KCNH7: variants seen among roughly 807,000 people sequenced by gnomAD.
KCNH7 encodes potassium voltage-gated channel subfamily H member 7.
A neutral mutation model predicts 120.8 loss-of-function variants in KCNH7; 49 were observed. The ratio of observed to expected loss-of-function variants is 0.41; its 90% CI spans 0.32 to 0.51. KCNH7 has a LOEUF of 0.51. Ranked by LOEUF, KCNH7 falls within the 20% of genes least tolerant of loss-of-function variation. The probability of loss-of-function intolerance (pLI) is 0.38; values close to 1 mark genes in which losing one functional copy is unlikely to be tolerated. For missense variants in KCNH7, 1,097 were observed against 1,446.6 expected (o/e 0.76, Z 3.92); for synonymous variants, 547 against 516.1 (o/e 1.06, Z -0.81).
chr2:162,582,148 A>G (rs1693890630), intron 2 of KCNH7, among the ~76,000 whole-genome samples: 1 of 152,060 alleles, frequency 6.6e-6, no homozygotes, highest in Non-Finnish European at 1.5e-5. Context: ...AAAGGTCAAG[A>G]TTACCCCTGC....
At chr2:162,598,996 C>A (rs1356810687) in intron 2 of KCNH7, among the ~76,000 whole-genome samples, 1 of 152,024 alleles carries the variant, frequency 6.6e-6, no homozygotes, top group Non-Finnish European at 1.5e-5. Flanking sequence ...TGGCTCATGC[C>A]TGTAATCTTA....
intron 2 of KCNH7, among the ~76,000 whole-genome samples, chr2:162,614,704 T>C (rs910043654): frequency 7.4e-5 from 11 of 148,354 alleles, no homozygotes; most frequent in African/African-American, 2.7e-4. Context: ...TATTTATATA[T>C]TATATACTAC....
At chr2:162,558,074 T>C (rs191530395) in intron 2 of KCNH7, among the ~76,000 whole-genome samples, 24 of 152,292 alleles carry the variant, frequency 1.6e-4, no homozygotes, top group South Asian at 1.0e-3. Context: ...ATAAAACATC[T>C]TATAGGTCAG....
At chr2:162,712,784 CT>C (rs1287707283) in intron 2 of KCNH7, among the ~76,000 whole-genome samples, 42 of 152,158 alleles carry the variant, frequency 2.8e-4, no homozygotes, top group African/African-American at 8.4e-4. Context: ...CCAATTTCAG[CT>C]TTCACTTTCC....
chr2:162,646,881 G>A (rs1216828799), intron 2 of KCNH7, among the ~76,000 whole-genome samples: 1 of 152,178 alleles, frequency 6.6e-6, no homozygotes, highest in Non-Finnish European at 1.5e-5. Context: ...TTTTAGCCTT[G>A]TGAACTTTGA....
At chr2:162,825,357 A>G (rs550936002) in intron 2 of KCNH7, among the ~76,000 whole-genome samples, 1 of 152,170 alleles carries the variant, frequency 6.6e-6, no homozygotes. Flanking sequence ...GAATTACAAA[A>G]TTCAACAAAT....
At chr2:162,379,269 CTTTAAT>C (rs1202788597) in intron 14 of KCNH7, among the ~76,000 whole-genome samples, 2 of 152,118 alleles carry the variant, frequency 1.3e-5, no homozygotes, top group East Asian at 3.9e-4. Context: ...TTTTTGACCA[CTTTAAT>C]TTTAAAGAAA....
intron 2 of KCNH7, among the ~76,000 whole-genome samples, chr2:162,833,917 T>C (rs1232730370): frequency 6.6e-6 from 1 of 152,148 alleles, no homozygotes; most frequent in African/African-American, 2.4e-5. Context: ...TTGGGCTTAT[T>C]ACATCACTCT....
At chr2:162,502,085 A>G (rs1690706387) in intron 6 of KCNH7, 1 of 152,092 alleles carries the variant, frequency 6.6e-6, no homozygotes, top group Non-Finnish European at 1.5e-5. Context: ...GCCTCTCGCC[A>G]GCTCAGAAAA....
chr2:162,620,511 G>T (rs993024887), intron 2 of KCNH7, among the ~76,000 whole-genome samples: 5 of 151,920 alleles, frequency 3.3e-5, no homozygotes, highest in African/African-American at 1.2e-4. Flanking sequence ...TTAGATCATG[G>T]TCTCTTTAAA....
intron 2 of KCNH7, among the ~76,000 whole-genome samples, chr2:162,722,712 G>A (rs554409248): frequency 6.7e-6 from 1 of 149,638 alleles, no homozygotes; most frequent in South Asian, 2.1e-4. Flanking sequence ...CGCTTATCTT[G>A]TTCTGGAACT....
At chr2:162,503,558 A>T (rs568870555) in intron 6 of KCNH7, among the ~76,000 whole-genome samples, 6 of 152,170 alleles carry the variant, frequency 3.9e-5, no homozygotes, top group African/African-American at 9.6e-5. Context: ...CAGCTCACAC[A>T]TAAGAGGTTA....
chr2:162,781,849 T>A (rs907169590), intron 2 of KCNH7, among the ~76,000 whole-genome samples: 1 of 151,906 alleles, frequency 6.6e-6, no homozygotes, highest in Non-Finnish European at 1.5e-5. Context: ...AAAATTTGCT[T>A]TAGTGACTGA....
intron 2 of KCNH7, among the ~76,000 whole-genome samples, chr2:162,558,781 A>G (rs1284323221): frequency 2.0e-5 from 3 of 151,816 alleles, no homozygotes; most frequent in Admixed American, 2.0e-4. Context: ...TTATTATTAC[A>G]TTAAAAAGAC....
intron 2 of KCNH7, among the ~76,000 whole-genome samples, chr2:162,710,927 A>G (rs1317536666): frequency 2.6e-5 from 4 of 152,126 alleles, no homozygotes; most frequent in Non-Finnish European, 5.9e-5. Flanking sequence ...TGGCCTACAA[A>G]CCGCCATTTT....
At position 162,486,588 on chromosome 2, in the gene KCNH7, A is replaced by C. The variant is rs185965117; in HGVS notation, c.1128+17855T>G. On this transcript the variant is annotated intron_variant, in intron 6 of 15. Transcript: ENST00000332142. ...TAAAACAAGGAGAAAAAATAGGAAA[A>C]AATATTCCTATTACGCACTTATTCC... 2.0e-4 allele frequency among the ~76,000 whole-genome samples: 30 copies of C among 152,292 alleles called. No individual in the cohort carries two copies. The East Asian group carries it at 3.3e-3, about 17-fold the overall frequency.
intron 2 of KCNH7, among the ~76,000 whole-genome samples, chr2:162,747,959 GCAGCCCCTTTATGGTTTA>G (rs1237440029): frequency 2.0e-5 from 3 of 152,048 alleles, no homozygotes; most frequent in Non-Finnish European, 4.4e-5. Context: ...GGCTTTCTTG[GCAGCCCCTTTATGGTTTA>G]CAGCCCCTTT....
intron 2 of KCNH7, among the ~76,000 whole-genome samples, chr2:162,759,430 C>T (rs905355634): frequency 1.3e-5 from 2 of 152,018 alleles, no homozygotes; most frequent in Non-Finnish European, 1.5e-5. Flanking sequence ...AAGTAGATCC[C>T]TAGGACAAAT....
intron 2 of KCNH7, among the ~76,000 whole-genome samples, chr2:162,721,967 T>A (rs889818570): frequency 6.6e-6 from 1 of 151,886 alleles, no homozygotes; most frequent in South Asian, 2.1e-4. Context: ...TACAGAAAAA[T>A]AGTAATATTG....
Sources: allele counts gnomAD v4.1 joint callset (sites outside exome capture counted in the v4.1 genomes callset), GRCh38; gene constraint gnomAD v4.1.1; transcripts MANE v1.5; gene names NCBI Gene and HGNC (gene_info 2026-07-23, HGNC 2026-07-21).